Variants in DAB1 observed in about 807,000 individuals in gnomAD.
DAB1 encodes the protein disabled homolog 1.
In DAB1, 15 loss-of-function variants were observed where a neutral mutation model predicts 64.6. That is an observed-to-expected ratio of 0.23 (90% confidence interval 0.16 to 0.36). DAB1 has a LOEUF of 0.36. Among genes scored for constraint, DAB1 ranks in the 10% least tolerant of loss-of-function variants. The pLI, the probability that DAB1 is intolerant of heterozygous loss-of-function variation, is 1.00. For missense variants in DAB1, 596 were observed against 706.7 expected, an observed-to-expected ratio of 0.84 and a Z score of 1.78; for synonymous variants, 235 against 251.9, an observed-to-expected ratio of 0.93 and a Z score of 0.64.
rs143885937 is a variant in DAB1, at chr1:57,678,761, G to GTTTTTTTTTTTTTT, written n.552-29097_552-29096insAAAAAAAAAAAAAA. ...CTGGCATTCGTCCAGTGAGGCAACT[G>GTTTTTTTTTTTTTT]TTTTTTGTTTTTTTTTTCTTTGTTT... On this transcript the variant is annotated intron_variant and non_coding_transcript_variant, in intron 6 of 20. Coordinates refer to the DAB1 transcript ENST00000485760. 3.7e-5 allele frequency among the ~76,000 whole-genome samples: 5 copies of GTTTTTTTTTTTTTT among 135,808 alleles called. 1 individual carries two copies. The highest frequency in any genetic ancestry group is 3.1e-5 in the Non-Finnish European group (2 of 65,054). 89.1% of individuals were successfully genotyped at this position (135,808 alleles called of 152,430 possible). A position where few individuals can be genotyped will look rare whatever the true frequency, so the allele number is the denominator to read the frequency against.
chr1:58,235,064 C>G (rs1394482174), intron 4 of DAB1, among the ~76,000 whole-genome samples: 1 of 152,224 alleles, frequency 6.6e-6, no homozygotes, highest in Non-Finnish European at 1.5e-5. Flanking sequence ...ACAAGTTAAT[C>G]CGGCCCCTCG....
intron 2 of DAB1, among the ~76,000 whole-genome samples, chr1:57,197,312 C>T (rs553689491): frequency 6.8e-6 from 1 of 148,030 alleles, no homozygotes; most frequent in Non-Finnish European, 1.5e-5. Context: ...CCACTGCACT[C>T]CAGTCTAGGT....
Position 57,015,340 on chromosome 1 carries a change from G to T in DAB1, c.987C>A (p.Val329=), listed in dbSNP as rs773042070. The T allele has an allele frequency of 7.4e-6, 12 of 1,613,932 alleles. No individual in the cohort carries two copies. Among genetic ancestry groups the T allele is most frequent in the Non-Finnish European group, 1.0e-5 (12 of 1,180,028 alleles). Residue 329 remains valine (V), a synonymous_variant, in exon 12 of 15, where the codon GTC becomes GTA. Transcript: ENST00000371236. ...QQMVMGAQPP[V]AQVMPGAQPI... The stretch of plus-strand genomic sequence containing the variant: ...GCTGAGCCCCCGGCATCACCTGAGC[G>T]ACTGGTGGCTGGGCACCCATGACCA...
chr1:57,043,214 T>C (rs1404747411), intron 9 of DAB1, among the ~76,000 whole-genome samples: 1 of 152,172 alleles, frequency 6.6e-6, no homozygotes, highest in East Asian at 1.9e-4. Flanking sequence ...TAGCAATTAG[T>C]GGGTGACTAT....
chr1:58,128,242 A>G (rs1278421137), intron 5 of DAB1, among the ~76,000 whole-genome samples: 4 of 151,502 alleles, frequency 2.6e-5, no homozygotes, highest in Non-Finnish European at 4.4e-5. Context: ...GAATTCACTC[A>G]TGATTTGGCT....
chr1:58,164,843 T>G (rs1431985543), intron 4 of DAB1, among the ~76,000 whole-genome samples: 3 of 152,214 alleles, frequency 2.0e-5, no homozygotes, highest in Non-Finnish European at 4.4e-5. Context: ...TTTCAGCATC[T>G]GCTTAACATA....
intron 5 of DAB1, among the ~76,000 whole-genome samples, chr1:58,042,429 G>A (rs1422937423): frequency 1.3e-5 from 2 of 152,134 alleles, no homozygotes; most frequent in Non-Finnish European, 2.9e-5. Context: ...ATGAATAAAA[G>A]TAACAACAAC....
At chr1:58,167,314 G>T (rs1463853547) in intron 4 of DAB1, among the ~76,000 whole-genome samples, 1 of 151,892 alleles carries the variant, frequency 6.6e-6, no homozygotes, top group Non-Finnish European at 1.5e-5. Flanking sequence ...GCACCAATCA[G>T]CACTCTGTGT....
intron 7 of DAB1, among the ~76,000 whole-genome samples, chr1:57,517,380 C>T (rs1330305752): frequency 6.6e-6 from 1 of 152,146 alleles, no homozygotes; most frequent in Non-Finnish European, 1.5e-5. Context: ...TCTGTTTTCT[C>T]TACCTGAGAG....
intron 5 of DAB1, among the ~76,000 whole-genome samples, chr1:57,940,060 A>G (rs553529487): frequency 6.6e-6 from 1 of 152,366 alleles, no homozygotes; most frequent in East Asian, 1.9e-4. Context: ...ATAAGCACAA[A>G]TACTGAAATG....
chr1:57,061,373 A>G (rs1014612260), intron 9 of DAB1, among the ~76,000 whole-genome samples: 4 of 152,148 alleles, frequency 2.6e-5, no homozygotes, highest in African/African-American at 9.7e-5. Context: ...TGGAGAATAC[A>G]GAGTCTTAGG....
chr1:57,219,120 T>C (rs770433534), intron 2 of DAB1, among the ~76,000 whole-genome samples: 28 of 152,242 alleles, frequency 1.8e-4, no homozygotes, highest in Non-Finnish European at 3.7e-4. Context: ...TTATACAGTT[T>C]GGATTTTTAT....
At chr1:58,004,392 A>C (rs1380793603) in intron 5 of DAB1, among the ~76,000 whole-genome samples, 1 of 152,144 alleles carries the variant, frequency 6.6e-6, no homozygotes, top group Non-Finnish European at 1.5e-5. Context: ...CTGCCATTTG[A>C]AGCACTTAGT....
chr1:58,514,542 G>C (rs773049810), intron 2 of DAB1, among the ~76,000 whole-genome samples: 11 of 152,096 alleles, frequency 7.2e-5, no homozygotes, highest in Non-Finnish European at 1.3e-4. Flanking sequence ...GACACTGAAT[G>C]AATCTGAATC....
At chr1:57,560,522 A>C (rs1344345444) in intron 7 of DAB1, among the ~76,000 whole-genome samples, 1 of 152,204 alleles carries the variant, frequency 6.6e-6, no homozygotes, top group African/African-American at 2.4e-5. Flanking sequence ...CCTACAACCA[A>C]GAAAGAGGCA....
intron 3 of DAB1, among the ~76,000 whole-genome samples, chr1:58,460,208 C>T (rs1384200502): frequency 6.6e-6 from 1 of 152,078 alleles, no homozygotes; most frequent in Non-Finnish European, 1.5e-5. Flanking sequence ...TTTTACTATC[C>T]AGGAGCTCTG....
chr1:57,627,784 G>T (rs1645940622), intron 7 of DAB1, among the ~76,000 whole-genome samples: 1 of 152,158 alleles, frequency 6.6e-6, no homozygotes. Flanking sequence ...CATTGCACTG[G>T]CCCTAAGCCC....
At chr1:57,881,185 T>C (rs1180361739) in intron 1 of DAB1, among the ~76,000 whole-genome samples, 4 of 152,196 alleles carry the variant, frequency 2.6e-5, no homozygotes, top group African/African-American at 9.7e-5. Context: ...TTGTATTAGT[T>C]AGAGTAATCA....
At chr1:57,057,960 G>C (rs918367646) in intron 9 of DAB1, among the ~76,000 whole-genome samples, 3 of 152,108 alleles carry the variant, frequency 2.0e-5, no homozygotes, top group Admixed American at 1.3e-4. Flanking sequence ...TAAGTTACAG[G>C]CCCCTCTTCA....
Sources: gnomAD v4.1 joint callset for allele counts (sites outside exome capture counted in the v4.1 genomes callset) on GRCh38, gnomAD v4.1.1 for gene constraint, MANE v1.5 for transcripts, NCBI Gene and HGNC (gene_info 2026-07-23, HGNC 2026-07-21) for gene names.